The following DYM variants were observed in gnomAD, a reference collection of about 807,000 sequenced individuals.
DYM encodes the protein dyggve-Melchior-Clausen syndrome protein.
In DYM, 78 loss-of-function variants were observed where a neutral mutation model predicts 93.1. That is an observed-to-expected ratio of 0.84 (90% CI 0.70 to 1.01). The LOEUF is 1.01. Among genes scored for constraint, DYM ranks in the 50% least tolerant of loss-of-function variants. The pLI, the probability that DYM is intolerant of heterozygous loss-of-function variation, is 0.00. For missense variants in DYM, 789 were observed against 845.0 expected, an observed-to-expected ratio of 0.93 and a Z score of 0.82; for synonymous variants, 321 against 319.7, an observed-to-expected ratio of 1.00 and a Z score of -0.04.
chr18:49,086,842 G>T (rs1455914101), intron 17 of DYM, among the ~76,000 whole-genome samples: 1 of 151,992 alleles, frequency 6.6e-6, no homozygotes, highest in African/African-American at 2.4e-5. Context: ...ACAAAAATTA[G>T]CCAGGCATGG....
chr18:49,321,462 C>T, intron 8 of DYM: 1 of 396,884 alleles, frequency 2.5e-6, no homozygotes, highest in Middle Eastern at 6.4e-4. Flanking sequence ...TGGTTGTCAG[C>T]AAATTACAAG....
At chr18:49,289,469 AG>A (rs557173830) in intron 8 of DYM, among the ~76,000 whole-genome samples, 129 of 143,622 alleles carry the variant, frequency 9.0e-4, no homozygotes, top group African/African-American at 3.2e-3. Flanking sequence ...AAGGAGGCTG[AG>A]GCAGGAGGAC....
At chr18:49,319,600 T>C (rs2062308187) in intron 8 of DYM, among the ~76,000 whole-genome samples, 1 of 152,182 alleles carries the variant, frequency 6.6e-6, no homozygotes, top group Admixed American at 6.5e-5. Flanking sequence ...TGGACACTTA[T>C]CACACGTTAT....
intron 15 of DYM, among the ~76,000 whole-genome samples, chr18:49,125,986 C>T (rs1319483319): frequency 1.3e-5 from 2 of 152,214 alleles, no homozygotes; most frequent in East Asian, 1.9e-4. Flanking sequence ...ATTTTATTTG[C>T]ACTTTGCTAG....
intron 14 of DYM, among the ~76,000 whole-genome samples, chr18:49,208,201 AAAATT>A (rs1161632256): frequency 6.6e-6 from 1 of 151,368 alleles, no homozygotes; most frequent in Non-Finnish European, 1.5e-5. Flanking sequence ...AAAAAAAAAA[AAAATT>A]AAAAAGAAAA....
chr18:49,234,826 G>T (rs2093812210), intron 13 of DYM, among the ~76,000 whole-genome samples: 1 of 152,192 alleles, frequency 6.6e-6, no homozygotes, highest in African/African-American at 2.4e-5. Context: ...TCTGTCTGGA[G>T]TCAGAGACAT....
intron 17 of DYM, among the ~76,000 whole-genome samples, chr18:49,052,782 G>A (rs1304504066): frequency 1.3e-5 from 2 of 152,174 alleles, no homozygotes; most frequent in South Asian, 2.1e-4. Context: ...TCAGGTCAAC[G>A]TGCTTTGAGG....
chr18:49,223,606 G>A (rs536828971), intron 13 of DYM, among the ~76,000 whole-genome samples: 1 of 152,162 alleles, frequency 6.6e-6, no homozygotes, highest in South Asian at 2.1e-4. Flanking sequence ...ATATTCTTGA[G>A]TGGACAAACT....
At chr18:49,317,044 T>C (rs2061988809) in intron 8 of DYM, among the ~76,000 whole-genome samples, 1 of 152,172 alleles carries the variant, frequency 6.6e-6, no homozygotes, top group African/African-American at 2.4e-5. Flanking sequence ...GAATAAACCC[T>C]AAACTATGGA....
At chr18:49,300,544 A>G (rs1264659999) in intron 8 of DYM, among the ~76,000 whole-genome samples, 1 of 151,986 alleles carries the variant, frequency 6.6e-6, no homozygotes, top group Non-Finnish European at 1.5e-5. Context: ...AAATTAGAGT[A>G]AGTTGATGTT....
At position 49,154,686 on chromosome 18, in the gene DYM, C is replaced by T. The variant is rs549004623; in HGVS notation, c.1728+8999G>A. Among the ~76,000 whole-genome samples, 45 of 152,116 alleles carry T rather than the reference C, an allele frequency of 3.0e-4. 2 individuals are homozygous for T. The East Asian group carries it at 7.2e-3, about 24-fold the overall frequency. ...CTGGGATTACAGGTGTGAGCCAATGCGCCCAGCTGGAAATTCTTTAAAACA... is the reference window on the plus strand; with the variant it reads ...CTGGGATTACAGGTGTGAGCCAATGTGCCCAGCTGGAAATTCTTTAAAACA... On this transcript the variant is annotated intron_variant, in intron 15 of 17. Coordinates refer to ENST00000675505, the MANE Select transcript of DYM (RefSeq NM_001353214.3).
chr18:49,305,100 C>T (rs190333703), intron 8 of DYM, among the ~76,000 whole-genome samples: 37 of 152,266 alleles, frequency 2.4e-4, no homozygotes, highest in Non-Finnish European at 4.3e-4. Context: ...CATTGTCCAT[C>T]GCCATCTCCA....
chr18:49,123,928 AAAT>A (rs1481682438), intron 15 of DYM, among the ~76,000 whole-genome samples: 3 of 152,336 alleles, frequency 2.0e-5, no homozygotes, highest in Non-Finnish European at 4.4e-5. Context: ...AATCAAGTCA[AAAT>A]ATTAGCTTTC....
At chr18:49,163,848 T>C (rs1457819992) in intron 14 of DYM, 61 bp from the exon 15 acceptor site, 5 of 1,065,032 alleles carry the variant, frequency 4.7e-6, no homozygotes, top group Non-Finnish European at 7.1e-6. Context: ...CTGTCTTCTG[T>C]GGAAATATAT....
chr18:49,110,570 G>A (rs1224703460), intron 16 of DYM, among the ~76,000 whole-genome samples: 2 of 151,950 alleles, frequency 1.3e-5, no homozygotes, highest in Admixed American at 6.5e-5. Flanking sequence ...GTAAACTGCT[G>A]TTACTATCTT....
At position 49,289,726 on chromosome 18, in the gene DYM, T is replaced by C. The variant is rs1233476857; in HGVS notation, c.764-3110A>G. 4.6e-3 allele frequency among the ~76,000 whole-genome samples: 171 copies of C among 37,428 alleles called. 3 individuals are homozygous for C. The highest frequency in any genetic ancestry group is 0.026 in the East Asian group (76 of 2,966). The allele number at this position is 37,428 out of a possible 152,430, so 24.6% of individuals were successfully genotyped here. On this transcript the variant is annotated intron_variant, in intron 8 of 17. Transcript: ENST00000675505. The stretch of plus-strand genomic sequence containing the variant: ...CCCCTATCTCAAATATATATATATG[T>C]GTATATATATATATATATATATATA...
chr18:49,236,372 C>T (rs145168237), intron 13 of DYM, among the ~76,000 whole-genome samples: 1 of 151,732 alleles, frequency 6.6e-6, no homozygotes, highest in Non-Finnish European at 1.5e-5. Context: ...CCTAGCTACT[C>T]GAGAGGCTGA....
intron 8 of DYM, among the ~76,000 whole-genome samples, chr18:49,303,027 T>C (rs2061040941): frequency 6.6e-6 from 1 of 152,220 alleles, no homozygotes; most frequent in Non-Finnish European, 1.5e-5. Context: ...CTCCAAATTA[T>C]CTTCCCAGAC....
chr18:49,210,301 G>A (rs943148452), intron 13 of DYM, among the ~76,000 whole-genome samples: 1 of 152,176 alleles, frequency 6.6e-6, no homozygotes, highest in East Asian at 1.9e-4. Context: ...AAACTTGAAA[G>A]CAACCAAGGT....
Sources: gnomAD v4.1 joint callset for allele counts (sites outside exome capture counted in the v4.1 genomes callset) on GRCh38, gnomAD v4.1.1 for gene constraint, MANE v1.5 for transcripts, NCBI Gene and HGNC (gene_info 2026-07-23, HGNC 2026-07-21) for gene names.